The following GPC5 variants were observed in gnomAD, a reference collection of about 807,000 sequenced individuals.
GPC5 encodes the protein glypican 5.
Under a neutral mutation model 53.9 loss-of-function variants are expected in GPC5, and 47 were observed. That is an observed-to-expected ratio of 0.87 (90% CI 0.69 to 1.11). GPC5 has a LOEUF of 1.11. Ranked by LOEUF, GPC5 falls within the 50% of genes most tolerant of loss-of-function variation. The probability of loss-of-function intolerance (pLI) is 0.00; values close to 1 mark genes in which losing one functional copy is unlikely to be tolerated. For missense variants in GPC5, 748 were observed against 713.1 expected (o/e 1.05, Z -0.56); for synonymous variants, 286 against 263.3 (o/e 1.09, Z -0.84).
chr13:92,261,526 GAGTGT>G (rs2042767128), intron 7 of GPC5, among the ~76,000 whole-genome samples: 1 of 152,078 alleles, frequency 6.6e-6, no homozygotes, highest in Admixed American at 6.6e-5. Flanking sequence ...AATCTCTGTA[GAGTGT>G]GCATTACTCA....
At chr13:92,018,664 A>G (rs1418530845) in intron 6 of GPC5, among the ~76,000 whole-genome samples, 1 of 152,112 alleles carries the variant, frequency 6.6e-6, no homozygotes, top group Non-Finnish European at 1.5e-5. Flanking sequence ...ATGTCATTAA[A>G]AATACGTAAC....
chr13:92,163,460 CAAA>C (rs35480023), intron 7 of GPC5, among the ~76,000 whole-genome samples: 8 of 90,340 alleles, frequency 8.9e-5, no homozygotes, highest in African/African-American at 1.9e-4. Flanking sequence ...GATTCCATCT[CAAA>C]AAAAAAAAAA....
At position 91,571,267 on chromosome 13, in the gene GPC5, CTT is replaced by C. The variant is rs1334677565; in HGVS notation, c.326-121918_326-121917del. 2.6e-5 allele frequency among the ~76,000 whole-genome samples: 4 copies of C among 152,160 alleles called. No homozygotes were observed. The East Asian group carries it at 7.7e-4, about 29-fold the overall frequency. ...GAGATAAACATTTCTGATTTTAACTCTTTGCTAATTCCTTGAAATGTTTCAGA... is the reference window on the plus strand; with the variant it reads ...GAGATAAACATTTCTGATTTTAACTCTGCTAATTCCTTGAAATGTTTCAGA... On this transcript the variant is annotated intron_variant, in intron 2 of 7. Transcript: ENST00000377067.
intron 7 of GPC5, among the ~76,000 whole-genome samples, chr13:92,767,476 G>T (rs945857225): frequency 6.6e-6 from 1 of 151,960 alleles, no homozygotes; most frequent in African/African-American, 2.4e-5. Flanking sequence ...CCAAAAAAAA[G>T]AAAAAAGAAA....
intron 7 of GPC5, among the ~76,000 whole-genome samples, chr13:92,374,279 T>A (rs923425334): frequency 2.6e-5 from 4 of 152,176 alleles, no homozygotes; most frequent in African/African-American, 7.2e-5. Flanking sequence ...GGATGAGATT[T>A]AATAAAATGA....
chr13:92,083,168 T>C (rs1294442029), intron 6 of GPC5, among the ~76,000 whole-genome samples: 2 of 152,186 alleles, frequency 1.3e-5, no homozygotes, highest in Non-Finnish European at 2.9e-5. Context: ...TTAATGTATG[T>C]GTTTATCCTG....
intron 5 of GPC5, among the ~76,000 whole-genome samples, chr13:91,767,549 A>G (rs1343056646): frequency 6.6e-6 from 1 of 152,186 alleles, no homozygotes; most frequent in Non-Finnish European, 1.5e-5. Context: ...GTGACACGGC[A>G]ATTTCAACGC....
intron 7 of GPC5, among the ~76,000 whole-genome samples, chr13:92,680,061 G>T (rs1000426661): frequency 2.0e-5 from 3 of 152,060 alleles, no homozygotes; most frequent in Admixed American, 1.3e-4. Context: ...TCATAGAATG[G>T]AATATTGTAA....
At chr13:91,916,529 G>A (rs914320445) in intron 6 of GPC5, among the ~76,000 whole-genome samples, 5 of 152,112 alleles carry the variant, frequency 3.3e-5, no homozygotes, top group African/African-American at 1.2e-4. Flanking sequence ...GCTGAAAGAA[G>A]CCACTCCCAA....
chr13:92,012,956 C>T (rs2040675094), intron 6 of GPC5, among the ~76,000 whole-genome samples: 1 of 152,138 alleles, frequency 6.6e-6, no homozygotes, highest in African/African-American at 2.4e-5. Flanking sequence ...ACCTGGCCAG[C>T]AAGCTCTGTG....
chr13:92,780,337 A>G lies in GPC5; in HGVS notation c.1562-85945A>G, dbSNP rs535858730. On this transcript the variant is annotated intron_variant, in intron 7 of 7. Transcript: ENST00000377067. ...TTAAGTGTAATTTATATTTCACTTAATATAATTAAGTGTAATTTATATTTC... is the reference window on the plus strand; with the variant it reads ...TTAAGTGTAATTTATATTTCACTTAGTATAATTAAGTGTAATTTATATTTC... Among the ~76,000 whole-genome samples the G allele has an allele frequency of 4.1e-3, 614 of 150,728 alleles. 9 individuals carry two copies. The highest frequency in any genetic ancestry group is 0.015 in the African/African-American group (596 of 41,048).
chr13:91,520,236 G>A (rs1002663310), intron 2 of GPC5, among the ~76,000 whole-genome samples: 1 of 152,258 alleles, frequency 6.6e-6, no homozygotes, highest in Non-Finnish European at 1.5e-5. Flanking sequence ...GGGTTATAGA[G>A]GTTTAAATGA....
intron 7 of GPC5, among the ~76,000 whole-genome samples, chr13:92,170,229 G>T (rs1054989562): frequency 6.6e-6 from 1 of 151,370 alleles, no homozygotes; most frequent in Non-Finnish European, 1.5e-5. Context: ...TTATAATTTT[G>T]TATAGAAAGT....
At chr13:91,551,576 G>T (rs537375917) in intron 2 of GPC5, among the ~76,000 whole-genome samples, 2 of 152,186 alleles carry the variant, frequency 1.3e-5, no homozygotes, top group East Asian at 3.9e-4. Context: ...TGTTAATTTT[G>T]GGAATAGAGA....
chr13:92,713,000 T>A (rs539998954), intron 7 of GPC5, among the ~76,000 whole-genome samples: 4 of 152,090 alleles, frequency 2.6e-5, no homozygotes, highest in African/African-American at 4.8e-5. Flanking sequence ...GAATTTTTTT[T>A]AAATTTACTC....
At chr13:92,602,566 G>A (rs146451910) in intron 7 of GPC5, among the ~76,000 whole-genome samples, 1 of 152,088 alleles carries the variant, frequency 6.6e-6, no homozygotes, top group East Asian at 1.9e-4. Flanking sequence ...TTACACCAGT[G>A]TAACCTCTTG....
chr13:92,613,575 A>G (rs1198304945), intron 7 of GPC5, among the ~76,000 whole-genome samples: 1 of 127,252 alleles, frequency 7.9e-6, no homozygotes, highest in African/African-American at 3.1e-5. Context: ...TATATATAAT[A>G]TATAATATTT....
intron 2 of GPC5, among the ~76,000 whole-genome samples, chr13:91,472,260 C>T (rs1367036460): frequency 1.3e-5 from 2 of 152,080 alleles, no homozygotes; most frequent in African/African-American, 2.4e-5. Context: ...GTGTCAATTA[C>T]GGTCTTCTTT....
chr13:92,313,653 C>T (rs1187993042), intron 7 of GPC5, among the ~76,000 whole-genome samples: 1 of 152,162 alleles, frequency 6.6e-6, no homozygotes, highest in Non-Finnish European at 1.5e-5. Context: ...ATAGACGGCA[C>T]TTCCATCAAA....
Sources: gnomAD v4.1 joint callset for allele counts (sites outside exome capture counted in the v4.1 genomes callset) on GRCh38, gnomAD v4.1.1 for gene constraint, MANE v1.5 for transcripts, NCBI Gene and HGNC (gene_info 2026-07-23, HGNC 2026-07-21) for gene names.